Variants in CALN1 observed in about 807,000 individuals in gnomAD.
CALN1 encodes the protein calneuron 1.
CALN1 carries 17 observed loss-of-function variants against 30.6 expected under a neutral mutation model. That is an observed-to-expected ratio of 0.56 (90% CI 0.38 to 0.83). The LOEUF (loss-of-function observed/expected upper bound fraction) is 0.83. CALN1 is among the 40% of genes least tolerant of loss of function. The probability of loss-of-function intolerance (pLI) is 0.00; values close to 1 mark genes in which losing one functional copy is unlikely to be tolerated. For missense variants in CALN1, 291 were observed against 354.9 expected (o/e 0.82, Z 1.45); for synonymous variants, 156 against 131.4 (o/e 1.19, Z -1.28).
At chr7:71,830,967 T>G (rs1789239969) in intron 5 of CALN1, among the ~76,000 whole-genome samples, 1 of 152,170 alleles carries the variant, frequency 6.6e-6, no homozygotes, top group South Asian at 2.1e-4. Context: ...CAAAGCTCCT[T>G]TGTGTCACTT....
intron 3 of CALN1, among the ~76,000 whole-genome samples, chr7:72,204,805 C>G (rs1405968071): frequency 6.6e-6 from 1 of 152,038 alleles, no homozygotes; most frequent in East Asian, 1.9e-4. Flanking sequence ...GAATGAGCAT[C>G]CTTCTACATG....
At chr7:72,221,466 C>T (rs902668837) in intron 3 of CALN1, among the ~76,000 whole-genome samples, 7 of 151,844 alleles carry the variant, frequency 4.6e-5, no homozygotes, top group Admixed American at 2.0e-4. Flanking sequence ...TACAGGCACC[C>T]GCCATCGTGC....
intron 5 of CALN1, among the ~76,000 whole-genome samples, chr7:71,993,435 C>A (rs1370099317): frequency 6.7e-6 from 1 of 150,052 alleles, no homozygotes; most frequent in Non-Finnish European, 1.5e-5. Context: ...CGCTGCACCC[C>A]AGCCTGGGCA....
At chr7:72,069,896 A>C (rs1316300129) in intron 4 of CALN1, among the ~76,000 whole-genome samples, 1 of 152,128 alleles carries the variant, frequency 6.6e-6, no homozygotes, top group Non-Finnish European at 1.5e-5. Flanking sequence ...ATGAGTGCAA[A>C]AGCAGTCAGA....
intron 5 of CALN1, among the ~76,000 whole-genome samples, chr7:71,941,785 A>T (rs1350589943): frequency 1.3e-5 from 2 of 152,232 alleles, no homozygotes; most frequent in African/African-American, 4.8e-5. Flanking sequence ...CCCATTCCAA[A>T]TGATATATTC....
intron 2 of CALN1, among the ~76,000 whole-genome samples, chr7:72,399,639 A>T (rs1352319534): frequency 1.3e-5 from 2 of 152,130 alleles, no homozygotes; most frequent in African/African-American, 4.8e-5. Context: ...CTTCTTAAAA[A>T]GCTCCAACTT....
chr7:72,497,431 C>A, the CALN1 span, among the ~76,000 whole-genome samples: 1 of 151,962 alleles, frequency 6.6e-6, no homozygotes, highest in Non-Finnish European at 1.5e-5. Flanking sequence ...CAGAGTGAGA[C>A]CCCATCTCAA....
intron 2 of CALN1, among the ~76,000 whole-genome samples, chr7:72,354,702 T>G (rs1467323993): frequency 6.6e-6 from 1 of 152,136 alleles, no homozygotes; most frequent in African/African-American, 2.4e-5. Context: ...TTAATGAGGA[T>G]AGTCTTTTCA....
chr7:72,214,505 G>T (rs1792634136), intron 3 of CALN1, among the ~76,000 whole-genome samples: 1 of 151,918 alleles, frequency 6.6e-6, no homozygotes, highest in African/African-American at 2.4e-5. Flanking sequence ...AGAAGAGAAA[G>T]AAAAAAGAAA....
intron 5 of CALN1, among the ~76,000 whole-genome samples, chr7:71,862,713 T>C (rs1265445275): frequency 6.6e-6 from 1 of 152,234 alleles, no homozygotes; most frequent in Non-Finnish European, 1.5e-5. Context: ...GCTCACATCT[T>C]TAGATACATT....
intron 2 of CALN1, chr7:72,337,203 T>TC: frequency 1.0e-6 from 1 of 985,084 alleles, no homozygotes; most frequent in Non-Finnish European, 1.2e-6. Flanking sequence ...CCCCAGCGGA[T>TC]CCCCCAGGGC....
upstream of CALN1, among the ~76,000 whole-genome samples, chr7:72,414,778 G>A: frequency 6.6e-6 from 1 of 152,110 alleles, no homozygotes; most frequent in East Asian, 1.9e-4. Flanking sequence ...TGCTTGGATG[G>A]CCCAAGACTC....
intron 3 of CALN1, among the ~76,000 whole-genome samples, chr7:72,162,708 C>T (rs750470433): frequency 8.5e-5 from 13 of 152,138 alleles, no homozygotes; most frequent in Non-Finnish European, 1.5e-4. Flanking sequence ...CACTATACTC[C>T]ACCTTGGGCA....
chr7:72,425,601 T>C (rs1363962260), intron 1 of CALN1, among the ~76,000 whole-genome samples: 2 of 152,244 alleles, frequency 1.3e-5, no homozygotes, highest in Non-Finnish European at 2.9e-5. Flanking sequence ...ACCTCATCGT[T>C]ACTATTGCAG....
intron 2 of CALN1, among the ~76,000 whole-genome samples, chr7:72,401,599 G>A (rs1478634957): frequency 6.6e-6 from 1 of 152,112 alleles, no homozygotes; most frequent in African/African-American, 2.4e-5. Context: ...TGCCTTGGGA[G>A]AAACTGATTC....
At chr7:72,339,174 G>A (rs1562904675) in intron 2 of CALN1, among the ~76,000 whole-genome samples, 1 of 152,050 alleles carries the variant, frequency 6.6e-6, no homozygotes, top group Non-Finnish European at 1.5e-5. Context: ...TGGCTGAATA[G>A]TGCTCCATTG....
chr7:71,847,475 C>T (rs1790331537), intron 5 of CALN1, among the ~76,000 whole-genome samples: 1 of 151,862 alleles, frequency 6.6e-6, no homozygotes, highest in Admixed American at 6.6e-5. Context: ...CATGGTGAAA[C>T]CCCATCTCTA....
In CALN1 at chr7:72,356,942, A is replaced by G. The variant is rs557984391; in HGVS notation, c.119+46309T>C. 2.0e-5 allele frequency among the ~76,000 whole-genome samples: 3 copies of G among 152,066 alleles called. No individual in the cohort carries two copies. The South Asian group carries it at 6.2e-4, about 32-fold the overall frequency. ...GTCTTGCTCTAAAACCAACACTTCTAAGCTTTGGTTTTGCTTTGGTTTTGT... is the reference window on the plus strand; with the variant it reads ...GTCTTGCTCTAAAACCAACACTTCTGAGCTTTGGTTTTGCTTTGGTTTTGT... On this transcript the variant is annotated intron_variant, in intron 2 of 6. Coordinates refer to ENST00000395275, the MANE Select transcript of CALN1 (RefSeq NM_031468.4).
chr7:72,049,251 TA>T (rs758153218), intron 4 of CALN1, among the ~76,000 whole-genome samples: 1 of 151,636 alleles, frequency 6.6e-6, no homozygotes, highest in Non-Finnish European at 1.5e-5. Flanking sequence ...AAAAAAGAGG[TA>T]AAATGATGAG....
Sources: gnomAD v4.1 joint callset for allele counts (sites outside exome capture counted in the v4.1 genomes callset) on GRCh38, gnomAD v4.1.1 for gene constraint, MANE v1.5 for transcripts, NCBI Gene and HGNC (gene_info 2026-07-23, HGNC 2026-07-21) for gene names.